PASK: variants seen among roughly 807,000 people sequenced by gnomAD.
The protein encoded by PASK is PAS domain-containing serine/threonine-protein kinase.
A neutral mutation model predicts 121.0 loss-of-function variants in PASK; 110 were observed. That is an observed-to-expected ratio of 0.91 (90% CI 0.78 to 1.06). The LOEUF (loss-of-function observed/expected upper bound fraction) is 1.06. PASK is among the 50% of genes least tolerant of loss of function. The pLI, the probability that PASK is intolerant of heterozygous loss-of-function variation, is 0.00. For missense variants in PASK, 1,643 were observed against 1,702.3 expected (o/e 0.97, Z 0.61); for synonymous variants, 686 against 717.8 (o/e 0.96, Z 0.71).
intron 9 of PASK, among the ~76,000 whole-genome samples, chr2:241,131,149 CA>C (rs1328262960): frequency 3.8e-4 from 55 of 145,806 alleles, no homozygotes; most frequent in African/African-American, 1.2e-3. Flanking sequence ...GCATGTATTA[CA>C]TTTTTTTTTT....
chr2:241,146,853 C>G (rs900577217), intron 1 of PASK, among the ~76,000 whole-genome samples: 1 of 152,214 alleles, frequency 6.6e-6, no homozygotes, highest in African/African-American at 2.4e-5. Flanking sequence ...TGCATCCACT[C>G]TGCTGGTACA....
At chr2:241,131,397 T>C (rs557008348) in intron 9 of PASK, among the ~76,000 whole-genome samples, 18 of 152,264 alleles carry the variant, frequency 1.2e-4, no homozygotes, top group Admixed American at 5.9e-4. Flanking sequence ...ATCCACCCAC[T>C]TCAGCCTCCC....
At position 241,140,579 on chromosome 2, in the gene PASK, G is replaced by A. The variant is rs970393882; in HGVS notation, c.371C>T (p.Pro124Leu). Reference protein sequence around the residue: ...LSSGWSSPLLPAPVCNPNKAI... With the variant: ...LSSGWSSPLLLAPVCNPNKAI... ...CTTGTTAGGGTTGCACACAGGGGCC[G>A]GAAGCAGAGGTGAGGACCACCCTGA... Residue 124 changes from proline to leucine, a missense_variant, in exon 3 of 18, where the codon CCG (proline) becomes CTG (leucine). By Grantham distance (98) the Pro-to-Leu change is moderately conservative. Transcript: ENST00000234040. 13 of 1,613,998 alleles carry A rather than the reference G, an allele frequency of 8.1e-6. No individual in the cohort carries two copies. The highest frequency in any genetic ancestry group is 2.2e-5 in the South Asian group (2 of 91,070).
chr2:241,140,675 G>C lies in PASK; in HGVS notation c.275C>G (p.Ala92Gly), dbSNP rs1265345346. The change falls in exon 3 of 18, where the codon GCC becomes GGC. Residue 92 changes from alanine to glycine, a missense_variant. Ala to Gly is a moderately conservative substitution (Grantham distance 60). Coordinates refer to ENST00000234040, the MANE Select transcript of PASK (RefSeq NM_015148.4). ...ICTSKLHCPA[A>G]PEHTDPSEPR... ...TTCGGACGGGTCCGTGTGCTCAGGG[G>C]CAGCAGGGCAGTGCAGTTTACTTGT... 3.1e-6 allele frequency: 5 copies of C among 1,613,956 alleles called. No individual in the cohort carries two copies. Among genetic ancestry groups the C allele is most frequent in the Non-Finnish European group, 4.2e-6 (5 of 1,179,908 alleles).
intron 12 of PASK, among the ~76,000 whole-genome samples, chr2:241,120,815 A>C (rs1241608793): frequency 6.6e-6 from 1 of 152,264 alleles, no homozygotes; most frequent in Non-Finnish European, 1.5e-5. Flanking sequence ...CATGAAGTGC[A>C]CTACTAGGTA....
chr2:241,131,874 T>C (rs2066150970), intron 9 of PASK, among the ~76,000 whole-genome samples: 1 of 151,786 alleles, frequency 6.6e-6, no homozygotes, highest in African/African-American at 2.4e-5. Context: ...GCCAACATAG[T>C]GAAACCCCGC....
chr2:241,149,001 C>A (rs369390848), intron 1 of PASK, among the ~76,000 whole-genome samples: 37 of 152,204 alleles, frequency 2.4e-4, no homozygotes, highest in African/African-American at 7.9e-4. Context: ...CGGCTGAGCC[C>A]GCAGGGACCC....
chr2:241,132,778 A>G, intron 9 of PASK, 96 bp downstream of exon 9: 2 of 1,040,778 alleles, frequency 1.9e-6, no homozygotes, highest in Non-Finnish European at 3.0e-6. Context: ...GTTACTATGA[A>G]TAATAGGCTG....
At chr2:241,120,942 G>A (rs371878464) in intron 12 of PASK, among the ~76,000 whole-genome samples, 14 of 152,266 alleles carry the variant, frequency 9.2e-5, no homozygotes, top group African/African-American at 1.9e-4. Flanking sequence ...GCTGATAAAC[G>A]GATAAACAAA....
chr2:241,136,114 G>A, intron 7 of PASK, 75 bp from the exon 8 acceptor site: 1 of 1,305,254 alleles, frequency 7.7e-7, no homozygotes, highest in Non-Finnish European at 1.1e-6. Flanking sequence ...CCTGGGGGAG[G>A]AATGAACACA....
At position 241,126,647 on chromosome 2, in the gene PASK, T is replaced by C. The variant is rs2065879113; in HGVS notation, c.2268A>G (p.Ser756=). The C allele has an allele frequency of 6.2e-7, 1 of 1,614,088 alleles. No homozygotes were observed. The highest frequency in any genetic ancestry group is 1.3e-5 in the African/African-American group (1 of 74,940). Residue 756 remains serine, a synonymous_variant, in exon 10 of 18, where the codon TCA becomes TCG. Coordinates refer to ENST00000234040, the MANE Select transcript of PASK (RefSeq NM_015148.4). ...LFFSDQTDQT[S]SNCSCATSEL... is the part of the protein sequence containing the mutation. ...CAGACGTAGCACAGGAACAATTTGATGACGTTTGGTCTGTCTGGTCACTGA... is the reference window on the plus strand; with the variant it reads ...CAGACGTAGCACAGGAACAATTTGACGACGTTTGGTCTGTCTGGTCACTGA...
chr2:241,115,085 G>C lies in PASK; in HGVS notation c.3291C>G (p.His1097Gln). 1 of 1,614,170 alleles carries C rather than the reference G, an allele frequency of 6.2e-7. No homozygotes were observed. The highest frequency in any genetic ancestry group is 8.5e-7 in the Non-Finnish European group (1 of 1,180,006). Residue 1097 changes from histidine (H) to glutamine (Q), a missense_variant, in exon 14 of 18, where the codon CAC (histidine) becomes CAG (glutamine). Physicochemically the swap from His to Gln is conservative, Grantham distance 24. Coordinates refer to ENST00000234040, the MANE Select transcript of PASK (RefSeq NM_015148.4). ...TCGCCAGGGGCTCATCCAGCCTGGG[G>C]TGGCGGTCGATGAAAGCGAAGAGGT... ...GLDLFAFIDR[H>Q]PRLDEPLASY...
At chr2:241,149,793 C>T (rs1043615102), upstream of PASK, 2 of 1,534,410 alleles carry the variant, frequency 1.3e-6, no homozygotes, top group African/African-American at 1.4e-5. Context: ...CGGGTGGCTC[C>T]GCAGGGTAGA....
chr2:241,135,586 T>C (rs1310476524), intron 8 of PASK, among the ~76,000 whole-genome samples: 1 of 152,098 alleles, frequency 6.6e-6, no homozygotes, highest in Non-Finnish European at 1.5e-5. Flanking sequence ...GTCAGTTAGC[T>C]GTGTCTCGGA....
intron 9 of PASK, among the ~76,000 whole-genome samples, chr2:241,132,133 T>G (rs73112179): frequency 0.13 from 19,463 of 151,684 alleles, 1,590 homozygotes; most frequent in East Asian, 0.47. Flanking sequence ...AATACGACTA[T>G]GAGAATAGAA....
upstream of PASK, chr2:241,149,543 G>A: frequency 2.0e-6 from 2 of 1,000,622 alleles, no homozygotes; most frequent in Non-Finnish European, 2.9e-6. Context: ...AGCCACTTGC[G>A]CGTATGGGCG....
chr2:241,143,843 G>A (rs1254428701), intron 1 of PASK, among the ~76,000 whole-genome samples: 4 of 152,244 alleles, frequency 2.6e-5, no homozygotes, highest in South Asian at 2.1e-4. Flanking sequence ...GTGAGGTCGC[G>A]GGGGCCATGG....
chr2:241,145,549 G>T (rs12990357), intron 1 of PASK, among the ~76,000 whole-genome samples: 1 of 151,984 alleles, frequency 6.6e-6, no homozygotes, highest in African/African-American at 2.4e-5. Flanking sequence ...TCTTAAACAA[G>T]GCACAAAAAA....
intron 9 of PASK, among the ~76,000 whole-genome samples, chr2:241,130,544 C>T (rs1054060084): frequency 6.6e-6 from 1 of 152,076 alleles, no homozygotes; most frequent in Non-Finnish European, 1.5e-5. Context: ...CAACCACGGC[C>T]GCCCCACTTC....
Sources: allele counts gnomAD v4.1 joint callset (sites outside exome capture counted in the v4.1 genomes callset), GRCh38; gene constraint gnomAD v4.1.1; transcripts MANE v1.5; gene names NCBI Gene and HGNC (gene_info 2026-07-23, HGNC 2026-07-21).